PAXBP1: variants seen among roughly 807,000 people sequenced by gnomAD.
PAXBP1 encodes PAX3 and PAX7 binding protein 1.
PAXBP1 carries 44 observed loss-of-function variants against 119.9 expected under a neutral mutation model. That is an observed-to-expected ratio of 0.37 (90% CI 0.29 to 0.47). The LOEUF (loss-of-function observed/expected upper bound fraction) is 0.47. Among genes scored for constraint, PAXBP1 ranks in the 20% least tolerant of loss-of-function variants. The pLI is 0.99. For missense variants in PAXBP1, 898 were observed against 1,134.1 expected, an observed-to-expected ratio of 0.79 and a Z score of 2.99; for synonymous variants, 393 against 406.6, an observed-to-expected ratio of 0.97 and a Z score of 0.40.
chr21:32,739,980 A>G (rs571179469), intron 15 of PAXBP1, among the ~76,000 whole-genome samples: 9 of 140,406 alleles, frequency 6.4e-5, no homozygotes, highest in African/African-American at 2.4e-4. Flanking sequence ...CAATTTGTTT[A>G]CTTACCTTAA....
Position 32,750,937 on chromosome 21 carries a change from G to A in PAXBP1, c.1703C>T (p.Thr568Ile). The A allele has an allele frequency of 6.2e-7, 1 of 1,611,622 alleles. No homozygotes were observed. The change falls in exon 10 of 18, where the codon ACT becomes ATT. Residue 568 changes from threonine to isoleucine, a missense_variant. Thr to Ile is a moderately conservative substitution (Grantham distance 89, BLOSUM62 -1). This residue lies in a region of PAXBP1 where 599 missense variants were observed against 852.7 expected (regional missense o/e 0.70). Coordinates refer to ENST00000331923, the MANE Select transcript of PAXBP1 (RefSeq NM_016631.4). The stretch of plus-strand genomic sequence containing the variant: ...CTAACCTTTTTCCAGATTGAAATTA[G>A]TAATATCTGTAGAAGTTTCTTCATC... ...SDDEETSTDI[T>I]NFNLEKDRIS...
chr21:32,754,497 AC>A (rs2044011745), intron 8 of PAXBP1, among the ~76,000 whole-genome samples: 1 of 152,198 alleles, frequency 6.6e-6, no homozygotes. Context: ...AAAAAAAGGA[AC>A]TAAACGGTTT....
At chr21:32,767,982 C>T (rs2044271845) in intron 2 of PAXBP1, among the ~76,000 whole-genome samples, 1 of 152,204 alleles carries the variant, frequency 6.6e-6, no homozygotes, top group African/African-American at 2.4e-5. Context: ...CTCCTAAAAA[C>T]ATTCCTCCTT....
chr21:32,743,456 G>C (rs2043820166), intron 14 of PAXBP1, 142 bp from the exon 15 acceptor site: 1 of 705,406 alleles, frequency 1.4e-6, no homozygotes, highest in African/African-American at 1.8e-5. Flanking sequence ...CTGGAAGATA[G>C]TATGTTAAAA....
Position 32,771,497 on chromosome 21 carries a change from C to T in PAXBP1, c.172G>A (p.Gly58Ser), listed in dbSNP as rs962459425. 56 of 1,325,134 alleles carry T rather than the reference C, an allele frequency of 4.2e-5. No individual in the cohort carries two copies. The highest frequency in any genetic ancestry group is 5.0e-5 in the Non-Finnish European group (52 of 1,043,398). 82.1% of individuals were successfully genotyped at this position (1,325,134 alleles called of 1,614,324 possible). The change falls in exon 1 of 18, where the codon GGC (glycine) becomes AGC (serine). Residue 58 changes from glycine (G) to serine (S), a missense_variant. Physicochemically the swap from Gly to Ser is moderately conservative, Grantham distance 56 (BLOSUM62 0). Transcript: ENST00000331923. ...GCGGAAGGCGGCGACGGCCCCGGGC[C>T]CAGCAGCGACTCCCCGCCAGGGGCC... ...DRAPGGESLL[G>S]PGPSPPSALT...
Position 32,733,904 on chromosome 21 carries a change from T to A in PAXBP1, c.*1046A>T, listed in dbSNP as rs1185928380. ...CAGGAAAATACAACAAAGGATATAT[T>A]TAAAAATTAATTTAATGCTTGGCTA... is the stretch of plus-strand genomic sequence containing the variant. On this transcript the variant is annotated 3_prime_UTR_variant, in exon 18 of 18. Coordinates refer to ENST00000331923, the MANE Select transcript of PAXBP1 (RefSeq NM_016631.4). 1 of 152,564 alleles carries A rather than the reference T, an allele frequency of 6.6e-6. No individual in the cohort carries two copies. Among genetic ancestry groups the A allele is most frequent in the East Asian group, 1.9e-4 (1 of 5,196 alleles). 9.5% of individuals were successfully genotyped at this position (152,564 alleles called of 1,614,324 possible).
intron 17 of PAXBP1, among the ~76,000 whole-genome samples, chr21:32,735,441 C>A (rs540496109): frequency 6.6e-6 from 1 of 152,186 alleles, no homozygotes; most frequent in African/African-American, 2.4e-5. Flanking sequence ...GCTGTTTTAG[C>A]GTATACCTGG....
In PAXBP1 at chr21:32,759,245, G is replaced by T; in HGVS notation, c.1218C>A (p.His406Gln). Residue 406 changes from histidine (H) to glutamine (Q), a missense_variant, in exon 7 of 18, where the codon CAC becomes CAA. By Grantham distance (24) the His-to-Gln change is conservative. Around this residue, in one of 2 missense-constraint regions of PAXBP1, gnomAD observed 599 missense variants for 852.7 expected, o/e 0.70. Coordinates refer to ENST00000331923, the MANE Select transcript of PAXBP1 (RefSeq NM_016631.4). ...TCTCATGCTGCTGTCGATTTGTTTT[G>T]TGCAATTCTTTCATGGAGTCCAACC... ...KDRLDSMKELHKTNRQQHEKH... is the reference protein window; with the variant it reads ...KDRLDSMKELQKTNRQQHEKH... The T allele has an allele frequency of 6.2e-7, 1 of 1,613,700 alleles. No homozygotes were observed. The highest frequency in any genetic ancestry group is 8.5e-7 in the Non-Finnish European group (1 of 1,179,834).
chr21:32,747,939 C>T (rs2043899883), intron 11 of PAXBP1, among the ~76,000 whole-genome samples: 1 of 151,722 alleles, frequency 6.6e-6, no homozygotes, highest in Admixed American at 6.6e-5. Context: ...CACATGCCAC[C>T]ACAGCTAATT....
intron 2 of PAXBP1, among the ~76,000 whole-genome samples, chr21:32,766,769 T>A (rs951590534): frequency 6.6e-6 from 1 of 152,182 alleles, no homozygotes; most frequent in African/African-American, 2.4e-5. Flanking sequence ...CTTCCAAACA[T>A]CTCTGAGGGC....
rs566098972 is a variant in PAXBP1, at chr21:32,769,807, T to C, written c.472+7A>G. On this transcript the variant is annotated splice_region_variant and intron_variant, in intron 2 of 17. Coordinates refer to ENST00000331923, the MANE Select transcript of PAXBP1 (RefSeq NM_016631.4). ...TTTCAAAAGAATTCAATTAGTTTGG[T>C]ACTTACTTTCAGCTGATGAGTTGAG... is the stretch of plus-strand genomic sequence containing the variant. 15 of 1,601,328 alleles carry C rather than the reference T, an allele frequency of 9.4e-6. No individual in the cohort carries two copies. Among genetic ancestry groups the C allele is most frequent in the African/African-American group, 2.7e-5 (2 of 74,334 alleles).
At chr21:32,764,294 T>C (rs1438377536) in intron 3 of PAXBP1, 54 bp downstream of exon 3, 1 of 1,521,986 alleles carries the variant, frequency 6.6e-7, no homozygotes, top group African/African-American at 1.4e-5. Context: ...TCTTTAAAGA[T>C]GGCCCATTCT....
chr21:32,746,180 G>A (rs2043868900), intron 11 of PAXBP1, among the ~76,000 whole-genome samples: 1 of 152,116 alleles, frequency 6.6e-6, no homozygotes, highest in Non-Finnish European at 1.5e-5. Flanking sequence ...GAAAATCTAG[G>A]CAATACCATT....
At chr21:32,742,756 A>T (rs1266197228) in intron 15 of PAXBP1, 11 of 266,518 alleles carry the variant, frequency 4.1e-5, no homozygotes, top group Non-Finnish European at 7.4e-5. Context: ...TGAGAGAGAA[A>T]CTACATTCAT....
chr21:32,759,438 C>T, intron 6 of PAXBP1, 169 bp from the exon 7 acceptor site: 1 of 761,948 alleles, frequency 1.3e-6, no homozygotes, highest in Non-Finnish European at 2.0e-6. Flanking sequence ...CAAAAAATGG[C>T]AGTTTACAGA....
chr21:32,762,769 G>A (rs1334006470), intron 3 of PAXBP1, among the ~76,000 whole-genome samples: 1 of 151,862 alleles, frequency 6.6e-6, no homozygotes, highest in Non-Finnish European at 1.5e-5. Context: ...AAATTAGCCA[G>A]GTGTGGTGGC....
chr21:32,765,332 T>C (rs751541459), intron 2 of PAXBP1, among the ~76,000 whole-genome samples: 10 of 152,200 alleles, frequency 6.6e-5, no homozygotes, highest in Admixed American at 1.3e-4. Context: ...TTTCCTGCCA[T>C]TGTCATCCAG....
Position 32,762,229 on chromosome 21 carries a change from A to G in PAXBP1, c.738T>C (p.Asn246=). The change falls in exon 4 of 18, where the codon AAT becomes AAC. Residue 246 remains asparagine (N), a synonymous_variant. Transcript: ENST00000331923. ...TAACAAGGCGGCCTTTACCAGGCTCATTATCATGAGGAGTGAAATCTCCCA... is the reference window on the plus strand; with the variant it reads ...TAACAAGGCGGCCTTTACCAGGCTCGTTATCATGAGGAGTGAAATCTCCCA... ...RELGDFTPHD[N]EPGKGRLVRE... 1 of 1,614,138 alleles carries G rather than the reference A, an allele frequency of 6.2e-7. No homozygotes were observed. The highest frequency in any genetic ancestry group is 8.5e-7 in the Non-Finnish European group (1 of 1,180,020).
At chr21:32,769,700 GC>G in intron 2 of PAXBP1, 113 bp downstream of exon 2, 1 of 1,001,250 alleles carries the variant, frequency 1.0e-6, no homozygotes, top group Non-Finnish European at 1.5e-6. Flanking sequence ...CTCAATAAGG[GC>G]CCTTGACAAC....
Sources: allele counts gnomAD v4.1 joint callset (sites outside exome capture counted in the v4.1 genomes callset), GRCh38; gene constraint gnomAD v4.1.1; regional missense constraint gnomAD v4.1.1; transcripts MANE v1.5; gene names NCBI Gene and HGNC (gene_info 2026-07-23, HGNC 2026-07-21).